LRRC4C: variants seen among roughly 807,000 people sequenced by gnomAD.
The protein encoded by LRRC4C is leucine-rich repeat-containing protein 4C.
A neutral mutation model predicts 33.6 loss-of-function variants in LRRC4C; 5 were observed. The observed-to-expected ratio is 0.15, with a 90% confidence interval of 0.08 to 0.31. The LOEUF (loss-of-function observed/expected upper bound fraction) is 0.31, where lower values mean the gene tolerates loss of function less well. LRRC4C is among the 10% of genes least tolerant of loss of function. The probability of loss-of-function intolerance (pLI) is 1.00; values close to 1 mark genes in which losing one functional copy is unlikely to be tolerated. For synonymous variants in LRRC4C, 329 were observed against 302.0 expected (o/e 1.09, Z -0.93); for missense variants, 560 against 796.7 (o/e 0.70, Z 3.58).
At chr11:40,455,710 A>G (rs1217970444) in intron 3 of LRRC4C, among the ~76,000 whole-genome samples, 1 of 152,066 alleles carries the variant, frequency 6.6e-6, no homozygotes, top group Non-Finnish European at 1.5e-5. Context: ...CATCAAAACC[A>G]TGTATGTGTC....
At chr11:41,279,428 A>ACCCC (rs1555134481) in intron 1 of LRRC4C, among the ~76,000 whole-genome samples, 2,056 of 140,872 alleles carry the variant, frequency 0.015, 37 homozygotes, top group East Asian at 0.023. Flanking sequence ...ACACACACAC[A>ACCCC]CCGTGGCAAT....
chr11:41,103,139 A>G lies in LRRC4C; in HGVS notation c.-495-169416T>C, dbSNP rs145997045. Among the ~76,000 whole-genome samples, 546 of 152,070 alleles carry G rather than the reference A, an allele frequency of 3.6e-3. 5 individuals are homozygous for G. The highest frequency in any genetic ancestry group is 0.012 in the African/African-American group (516 of 41,550). ...TCTGTGACAACATGGCCTGTTCCTT[A>G]TATTTATTTTCTTTTTGTTTATTAT... is the stretch of plus-strand genomic sequence containing the variant. On this transcript the variant is annotated intron_variant, in intron 1 of 6. Transcript: ENST00000528697.
At chr11:40,571,136 AT>A (rs1957967357) in intron 3 of LRRC4C, among the ~76,000 whole-genome samples, 1 of 152,074 alleles carries the variant, frequency 6.6e-6, no homozygotes, top group Non-Finnish European at 1.5e-5. Context: ...AATGGTAGTA[AT>A]TAGGATACGT....
At chr11:40,520,215 G>A (rs2135219035) in intron 3 of LRRC4C, among the ~76,000 whole-genome samples, 1 of 152,326 alleles carries the variant, frequency 6.6e-6, no homozygotes, top group Non-Finnish European at 1.5e-5. Flanking sequence ...AAGAGCGCAT[G>A]TTATCATCCA....
At chr11:40,294,635 T>A (rs930653428) in intron 4 of LRRC4C, among the ~76,000 whole-genome samples, 5 of 152,094 alleles carry the variant, frequency 3.3e-5, no homozygotes, top group African/African-American at 1.2e-4. Context: ...GAGACCAACC[T>A]GCCCAACATT....
chr11:40,545,616 T>C (rs1956882041), intron 3 of LRRC4C, among the ~76,000 whole-genome samples: 2 of 151,914 alleles, frequency 1.3e-5, no homozygotes, highest in Non-Finnish European at 2.9e-5. Context: ...TCTATTGCTG[T>C]GTTAGATAAG....
chr11:40,352,793 G>A (rs1333604153), intron 3 of LRRC4C, among the ~76,000 whole-genome samples: 1 of 151,894 alleles, frequency 6.6e-6, no homozygotes, highest in Non-Finnish European at 1.5e-5. Context: ...CTCAGCTCTT[G>A]TTTGCCTGAG....
chr11:41,351,254 CA>C (rs1951973093), intron 1 of LRRC4C, among the ~76,000 whole-genome samples: 6 of 23,258 alleles, frequency 2.6e-4, no homozygotes, highest in Non-Finnish European at 6.5e-4. Flanking sequence ...CACACACATA[CA>C]CACACACACA....
chr11:40,956,533 T>C (rs931338954), intron 1 of LRRC4C, among the ~76,000 whole-genome samples: 2 of 151,792 alleles, frequency 1.3e-5, no homozygotes, highest in Admixed American at 6.6e-5. Context: ...CTCATCTGTA[T>C]AATGGGGATA....
intron 1 of LRRC4C, among the ~76,000 whole-genome samples, chr11:41,186,559 TTGTGATTTCAC>T (rs1391886428): frequency 2.0e-5 from 3 of 152,330 alleles, no homozygotes; most frequent in Admixed American, 2.0e-4. Context: ...TATTGATATG[TTGTGATTTCAC>T]TGTGATAAAG....
intron 2 of LRRC4C, among the ~76,000 whole-genome samples, chr11:40,728,205 A>C (rs1260291859): frequency 6.6e-6 from 1 of 152,180 alleles, no homozygotes; most frequent in Non-Finnish European, 1.5e-5. Context: ...TGGGAATGTA[A>C]ATCAGTTCAG....
intron 3 of LRRC4C, among the ~76,000 whole-genome samples, chr11:40,612,735 T>TA (rs1442627661): frequency 2.0e-5 from 3 of 151,868 alleles, no homozygotes; most frequent in Non-Finnish European, 2.9e-5. Context: ...GCTGATGTTT[T>TA]AAAAAATATT....
At chr11:40,770,371 A>G (rs1280404168) in intron 2 of LRRC4C, among the ~76,000 whole-genome samples, 1 of 152,146 alleles carries the variant, frequency 6.6e-6, no homozygotes, top group African/African-American at 2.4e-5. Context: ...AACTGCCCCT[A>G]TGATAGAATC....
intron 3 of LRRC4C, among the ~76,000 whole-genome samples, chr11:40,588,286 G>C (rs548522279): frequency 1.3e-5 from 2 of 151,758 alleles, no homozygotes; most frequent in African/African-American, 2.4e-5. Flanking sequence ...AGTATTCTCT[G>C]ATGGTAGTTT....
chr11:41,076,000 T>C (rs1462837561), intron 1 of LRRC4C, among the ~76,000 whole-genome samples: 1 of 152,126 alleles, frequency 6.6e-6, no homozygotes, highest in Non-Finnish European at 1.5e-5. Context: ...CTTTCTACCC[T>C]CTTGTCTTGA....
intron 2 of LRRC4C, among the ~76,000 whole-genome samples, chr11:40,794,179 C>A (rs561977626): frequency 6.6e-6 from 1 of 151,874 alleles, no homozygotes; most frequent in Non-Finnish European, 1.5e-5. Flanking sequence ...AGCAGTCCCC[C>A]GTAAATAGCA....
intron 1 of LRRC4C, among the ~76,000 whole-genome samples, chr11:41,215,077 T>C (rs1405545442): frequency 1.3e-5 from 2 of 149,818 alleles, no homozygotes; most frequent in Non-Finnish European, 3.0e-5. Flanking sequence ...ATATAATTTA[T>C]ATGCAAAAAA....
intron 1 of LRRC4C, among the ~76,000 whole-genome samples, chr11:41,257,965 C>T (rs373164395): frequency 4.6e-5 from 7 of 151,650 alleles, no homozygotes; most frequent in South Asian, 2.1e-4. Flanking sequence ...GGTGTGTTTG[C>T]GTGCTTAAAT....
intron 1 of LRRC4C, among the ~76,000 whole-genome samples, chr11:41,389,380 T>A (rs971122240): frequency 1.3e-5 from 2 of 151,728 alleles, no homozygotes; most frequent in Non-Finnish European, 2.9e-5. Flanking sequence ...ATCATGGTTG[T>A]GTCATTAAAA....
Sources: gnomAD v4.1 joint callset for allele counts (sites outside exome capture counted in the v4.1 genomes callset) on GRCh38, gnomAD v4.1.1 for gene constraint, MANE v1.5 for transcripts, NCBI Gene and HGNC (gene_info 2026-07-23, HGNC 2026-07-21) for gene names.